Variants in AFF2 observed in about 807,000 individuals in gnomAD.
AFF2 encodes ALF transcription elongation factor 2.
In AFF2, 14 loss-of-function variants were observed where a neutral mutation model predicts 76.9. The ratio of observed to expected loss-of-function variants is 0.18; its 90% CI spans 0.12 to 0.28. The LOEUF (loss-of-function observed/expected upper bound fraction) is 0.28, where lower values mean the gene tolerates loss of function less well. Ranked by LOEUF, AFF2 falls within the 10% of genes least tolerant of loss-of-function variation. The probability of loss-of-function intolerance (pLI) is 1.00; values close to 1 mark genes in which losing one functional copy is unlikely to be tolerated. For synonymous variants in AFF2, 398 were observed against 366.7 expected, an observed-to-expected ratio of 1.09 and a Z score of -0.98; for missense variants, 868 against 1,001.1, an observed-to-expected ratio of 0.87 and a Z score of 1.79.
chrX:148,623,480 C>T (rs781909310), intron 1 of AFF2, among the ~76,000 whole-genome samples: 1 of 109,945 alleles, frequency 9.1e-6, no homozygotes, highest in African/African-American at 3.3e-5. Flanking sequence ...TTAATGTTTG[C>T]AGAAACTGAC....
intron 1 of AFF2, among the ~76,000 whole-genome samples, chrX:148,641,638 G>A (rs942047248): frequency 3.6e-4 from 40 of 111,673 alleles, no homozygotes; most frequent in African/African-American, 1.2e-3. Context: ...AAGTAAAGGT[G>A]TTGGCAGGGT....
intron 19 of AFF2, among the ~76,000 whole-genome samples, chrX:148,981,484 A>G (rs894961319): frequency 4.5e-5 from 5 of 111,156 alleles, no homozygotes; most frequent in Non-Finnish European, 9.4e-5. Flanking sequence ...TATCGCTAAA[A>G]TGAAGGGGTT....
rs1557288765 is a variant in AFF2, at chrX:148,966,798, C to T, written c.2922C>T (p.Asp974=). ...GTCCTCCTTTTTCCCAGGAGGGAGA[C>T]ACTCCAAAAAAGGCATCCTCTGCCA... is the stretch of plus-strand genomic sequence containing the variant. ...TFKGISVNEG[D]TPKKASSATI... is the part of the protein sequence containing the mutation. The change falls in exon 14 of 21, where the codon GAC becomes GAT. Residue 974 remains aspartate, a synonymous_variant. Coordinates refer to ENST00000370460, the MANE Select transcript of AFF2 (RefSeq NM_002025.4). 1 of 1,209,710 alleles carries T rather than the reference C, an allele frequency of 8.3e-7. No individual in the cohort carries two copies. The highest frequency in any genetic ancestry group is 3.0e-5 in the East Asian group (1 of 33,810).
At chrX:148,664,224 G>A (rs781911692) in intron 3 of AFF2, among the ~76,000 whole-genome samples, 2 of 111,960 alleles carry the variant, frequency 1.8e-5, no homozygotes, top group East Asian at 2.8e-4. Context: ...CCAGGGAAAA[G>A]TCCAAATTTC....
At chrX:148,818,072 C>T (rs2070287566) in intron 4 of AFF2, among the ~76,000 whole-genome samples, 1 of 111,513 alleles carries the variant, frequency 9.0e-6, no homozygotes, top group African/African-American at 3.3e-5. Context: ...CTTTATACCA[C>T]TATCATTTTA....
At chrX:148,501,283 G>A in intron 1 of AFF2, 139 bp downstream of exon 1, 1 of 796,841 alleles carries the variant, frequency 1.3e-6, no homozygotes, top group South Asian at 2.5e-5. Flanking sequence ...GCCACCTCTG[G>A]CCCCGGCCGC....
At chrX:148,660,533 A>G (rs946174989) in intron 2 of AFF2, among the ~76,000 whole-genome samples, 2 of 112,193 alleles carry the variant, frequency 1.8e-5, no homozygotes, top group Non-Finnish European at 3.8e-5. Context: ...GTACACTAGG[A>G]GACTGGGCTG....
intron 1 of AFF2, among the ~76,000 whole-genome samples, chrX:148,574,427 G>A (rs1441458412): frequency 7.2e-5 from 8 of 111,531 alleles, no homozygotes; most frequent in African/African-American, 2.6e-4. Flanking sequence ...ATGGCCTCTT[G>A]TAGTCAGAAA....
At chrX:148,674,388 A>C (rs2054458649) in intron 3 of AFF2, among the ~76,000 whole-genome samples, 1 of 111,707 alleles carries the variant, frequency 9.0e-6, no homozygotes, top group South Asian at 3.8e-4. Flanking sequence ...TATCAACAGG[A>C]AGATGGTTTT....
intron 5 of AFF2, among the ~76,000 whole-genome samples, chrX:148,841,718 C>T (rs1273090945): frequency 2.7e-5 from 3 of 111,858 alleles, no homozygotes; most frequent in African/African-American, 9.8e-5. Flanking sequence ...AGAACTATTT[C>T]CCCTTCCTTG....
chrX:148,808,179 T>C (rs782226476), intron 3 of AFF2, among the ~76,000 whole-genome samples: 8 of 112,016 alleles, frequency 7.1e-5, no homozygotes, highest in African/African-American at 2.3e-4. Context: ...CTAGTGTCCA[T>C]GGGATGGTCA....
At chrX:148,597,087 T>A (rs1557247424) in intron 1 of AFF2, among the ~76,000 whole-genome samples, 4 of 112,143 alleles carry the variant, frequency 3.6e-5, no homozygotes, top group Non-Finnish European at 7.5e-5. Context: ...ATGGTGAAGC[T>A]ACAGTTAGTT....
chrX:148,786,534 T>C (rs2069822774), intron 3 of AFF2, among the ~76,000 whole-genome samples: 1 of 111,988 alleles, frequency 8.9e-6, no homozygotes, highest in Admixed American at 9.5e-5. Context: ...TAGATCGCCA[T>C]CTTATCCATT....
chrX:148,944,167 G>T (rs913011555), intron 9 of AFF2, among the ~76,000 whole-genome samples: 1 of 112,261 alleles, frequency 8.9e-6, no homozygotes, highest in Admixed American at 9.4e-5. Flanking sequence ...AATTCAGCCC[G>T]CCATCTGCCT....
At chrX:148,977,770 GTA>G (rs1569557914) in intron 16 of AFF2, among the ~76,000 whole-genome samples, 161 bp from the exon 17 acceptor site, 2 of 111,222 alleles carry the variant, frequency 1.8e-5, no homozygotes, top group African/African-American at 6.5e-5. Flanking sequence ...CTCATTTTGT[GTA>G]TGTTTTCGGG....
At chrX:148,554,175 A>G (rs1256966621) in intron 1 of AFF2, among the ~76,000 whole-genome samples, 1 of 112,763 alleles carries the variant, frequency 8.9e-6, no homozygotes, top group Non-Finnish European at 1.9e-5. Context: ...TAAACAAAAA[A>G]GAATATTAAA....
chrX:148,757,675 CT>C (rs2069390352), intron 3 of AFF2, among the ~76,000 whole-genome samples: 1 of 111,508 alleles, frequency 9.0e-6, no homozygotes, highest in Non-Finnish European at 1.9e-5. Flanking sequence ...TTGTTCATTT[CT>C]GGTAAAATGA....
At chrX:148,896,412 G>A (rs1449257926) in intron 8 of AFF2, among the ~76,000 whole-genome samples, 6 of 111,869 alleles carry the variant, frequency 5.4e-5, no homozygotes, top group East Asian at 2.8e-4. Flanking sequence ...GGCTTCAAAA[G>A]ATGAAGGAGA....
chrX:148,680,078 G>A (rs1463204729), intron 3 of AFF2, among the ~76,000 whole-genome samples: 2 of 112,041 alleles, frequency 1.8e-5, no homozygotes, highest in Non-Finnish European at 3.8e-5. Flanking sequence ...AAGTACACAA[G>A]CAATGTCAAG....
Sources: gnomAD v4.1 joint callset for allele counts (sites outside exome capture counted in the v4.1 genomes callset) on GRCh38, gnomAD v4.1.1 for gene constraint, MANE v1.5 for transcripts, NCBI Gene and HGNC (gene_info 2026-07-23, HGNC 2026-07-21) for gene names.